NBEA: variants seen among roughly 807,000 people sequenced by gnomAD.
NBEA encodes the protein lysosomal-trafficking regulator 2.
Under a neutral mutation model 343.4 loss-of-function variants are expected in NBEA, and 44 were observed. That is an observed-to-expected ratio of 0.13 (90% CI 0.10 to 0.16). The LOEUF is 0.16. NBEA is among the 10% of genes least tolerant of loss of function. The pLI, the probability that NBEA is intolerant of heterozygous loss-of-function variation, is 1.00. For synonymous variants in NBEA, 1,175 were observed against 1,238.7 expected (o/e 0.95, Z 1.08); for missense variants, 2,555 against 3,631.3 (o/e 0.70, Z 7.62).
intron 41 of NBEA, among the ~76,000 whole-genome samples, chr13:35,482,607 G>A (rs1247514513): frequency 6.6e-6 from 1 of 151,090 alleles, no homozygotes; most frequent in African/African-American, 2.4e-5. Flanking sequence ...TTTGTAAGAT[G>A]TAGTGGTGTT....
chr13:35,394,533 G>C (rs192725089), intron 38 of NBEA, among the ~76,000 whole-genome samples: 2 of 151,840 alleles, frequency 1.3e-5, no homozygotes, highest in Non-Finnish European at 2.9e-5. Context: ...CAAATACAAA[G>C]AATTAATATA....
chr13:35,498,770 CA>C lies in NBEA; in HGVS notation c.6585+26235del, dbSNP rs879295282. On this transcript the variant is annotated intron_variant, in intron 41 of 58. Transcript: ENST00000379939. ...TTTTATTCATGTTATAGTTTAATTA[CA>C]TGATATCTGTCTTCACCAATGGAAA... 7.5e-4 allele frequency among the ~76,000 whole-genome samples: 114 copies of C among 152,082 alleles called. 1 individual carries two copies. Among genetic ancestry groups the C allele is most frequent in the Non-Finnish European group, 1.5e-3 (103 of 67,982 alleles).
At chr13:35,574,035 T>C (rs974406839) in intron 45 of NBEA, among the ~76,000 whole-genome samples, 7 of 152,296 alleles carry the variant, frequency 4.6e-5, no homozygotes, top group Admixed American at 4.6e-4. Context: ...GATGCTCTAC[T>C]GTTTGTAGGT....
chr13:35,614,411 A>C (rs535445969), intron 48 of NBEA, among the ~76,000 whole-genome samples: 1 of 152,184 alleles, frequency 6.6e-6, no homozygotes, highest in East Asian at 1.9e-4. Flanking sequence ...GTTGTCAGCT[A>C]TCAGTACAGT....
intron 38 of NBEA, among the ~76,000 whole-genome samples, chr13:35,424,766 A>T (rs953626681): frequency 2.4e-4 from 36 of 152,224 alleles, no homozygotes; most frequent in Admixed American, 1.4e-3. Flanking sequence ...TCGGCTGTGA[A>T]TCCATCTGGT....
At position 35,147,089 on chromosome 13, in the gene NBEA, C is replaced by A. The variant is rs147378993; in HGVS notation, c.2445+4712C>A. 4.2e-3 allele frequency among the ~76,000 whole-genome samples: 640 copies of A among 152,250 alleles called. 6 individuals carry two copies. The highest frequency in any genetic ancestry group is 0.015 in the African/African-American group (612 of 41,556). ...ATCATAGTCCACAGGCTTGGTGTTA[C>A]ATTTTTTCATTCCCTTCACTAAACA... is the stretch of plus-strand genomic sequence containing the variant. On this transcript the variant is annotated intron_variant, in intron 18 of 58. Coordinates refer to ENST00000379939, the MANE Select transcript of NBEA (RefSeq NM_001385012.1).
At chr13:35,204,486 A>G (rs1473574411) in intron 31 of NBEA, among the ~76,000 whole-genome samples, 2 of 152,122 alleles carry the variant, frequency 1.3e-5, no homozygotes, top group Non-Finnish European at 2.9e-5. Flanking sequence ...CACTATCACG[A>G]GAATAACACA....
chr13:35,469,199 A>G (rs2075536114), intron 40 of NBEA, among the ~76,000 whole-genome samples: 1 of 152,040 alleles, frequency 6.6e-6, no homozygotes, highest in Admixed American at 6.6e-5. Context: ...CATCAAGATA[A>G]TCTAAACCCA....
intron 41 of NBEA, among the ~76,000 whole-genome samples, chr13:35,520,712 T>C (rs2077670977): frequency 6.6e-6 from 1 of 152,146 alleles, no homozygotes; most frequent in Non-Finnish European, 1.5e-5. Context: ...TCACCCAGGG[T>C]TTCTTTTCCT....
intron 36 of NBEA, among the ~76,000 whole-genome samples, chr13:35,326,966 G>A (rs760813114): frequency 1.3e-5 from 2 of 151,814 alleles, no homozygotes; most frequent in Non-Finnish European, 2.9e-5. Flanking sequence ...TTTAAAAATG[G>A]GCAAGATACA....
Position 35,508,822 on chromosome 13 carries a change from C to A in NBEA, c.6585+36286C>A, listed in dbSNP as rs538899875. 3.4e-4 allele frequency among the ~76,000 whole-genome samples: 52 copies of A among 152,284 alleles called. 1 individual carries two copies. Among genetic ancestry groups the A allele is most frequent in the African/African-American group, 1.2e-3 (50 of 41,578 alleles). ...CTGCAGGTAAATCTGTGAGGTAAAT[C>A]TGTGAGACATCAGAACATGGGTGGT... On this transcript the variant is annotated intron_variant, in intron 41 of 58. Transcript: ENST00000379939.
chr13:35,410,075 T>A, intron 38 of NBEA, among the ~76,000 whole-genome samples: 1 of 152,124 alleles, frequency 6.6e-6, no homozygotes, highest in East Asian at 1.9e-4. Context: ...TTTCAGAGAA[T>A]TTATCAAGAA....
At chr13:35,536,132 T>C (rs2078528432) in intron 41 of NBEA, among the ~76,000 whole-genome samples, 1 of 152,160 alleles carries the variant, frequency 6.6e-6, no homozygotes, top group African/African-American at 2.4e-5. Flanking sequence ...GAAAATATGC[T>C]TCACAAACTC....
intron 23 of NBEA, 34 bp from the exon 24 acceptor site, chr13:35,164,322 C>G (rs949263419): frequency 6.5e-7 from 1 of 1,534,870 alleles, no homozygotes; most frequent in African/African-American, 1.4e-5. Flanking sequence ...TTAAGTAAGC[C>G]AAAACATACT....
In NBEA at chr13:35,055,999, T is replaced by A. The variant is rs41292191; in HGVS notation, c.973-11T>A. The A allele has an allele frequency of 5.1e-6, 8 of 1,568,888 alleles. No homozygotes were observed. The highest frequency in any genetic ancestry group is 6.9e-6 in the Non-Finnish European group (8 of 1,158,408). On this transcript the variant is annotated splice_polypyrimidine_tract_variant and intron_variant, in intron 6 of 58. Coordinates refer to ENST00000379939, the MANE Select transcript of NBEA (RefSeq NM_001385012.1). ...CATTACATATTGATATATTTAATTT[T>A]TTTATTTAAGTGGTACATGATCAGC...
chr13:35,609,639 A>G (rs1350701559), intron 48 of NBEA, among the ~76,000 whole-genome samples: 1 of 152,156 alleles, frequency 6.6e-6, no homozygotes, highest in Non-Finnish European at 1.5e-5. Context: ...CATTATAGTT[A>G]TTTAAGCAGA....
intron 38 of NBEA, among the ~76,000 whole-genome samples, chr13:35,389,694 A>C (rs1055233353): frequency 9.9e-5 from 15 of 152,226 alleles, no homozygotes; most frequent in African/African-American, 3.6e-4. Flanking sequence ...GATTGCAAGC[A>C]TTTATTATAA....
chr13:35,314,723 C>G (rs1485820785), intron 36 of NBEA, among the ~76,000 whole-genome samples: 1 of 152,192 alleles, frequency 6.6e-6, no homozygotes, highest in East Asian at 1.9e-4. Context: ...CTTTCTTGCT[C>G]AGTTTCCCTG....
At chr13:35,078,064 T>C (rs1296503641) in intron 10 of NBEA, among the ~76,000 whole-genome samples, 1 of 152,182 alleles carries the variant, frequency 6.6e-6, no homozygotes, top group Non-Finnish European at 1.5e-5. Flanking sequence ...CTACCTGCTT[T>C]ATAAATAAAG....
Sources: allele counts gnomAD v4.1 joint callset (sites outside exome capture counted in the v4.1 genomes callset), GRCh38; gene constraint gnomAD v4.1.1; transcripts MANE v1.5; gene names NCBI Gene and HGNC (gene_info 2026-07-23, HGNC 2026-07-21).